DNAH2: variants seen among roughly 807,000 people sequenced by gnomAD.
DNAH2 encodes dynein axonemal heavy chain 2.
DNAH2 carries 323 observed loss-of-function variants against 523.5 expected under a neutral mutation model. The ratio of observed to expected loss-of-function variants is 0.62; its 90% CI spans 0.56 to 0.68. The LOEUF (loss-of-function observed/expected upper bound fraction) is 0.68. DNAH2 is among the 30% of genes least tolerant of loss of function. The pLI is 0.00. For missense variants in DNAH2, 4,907 were observed against 5,701.5 expected (o/e 0.86, Z 4.49); for synonymous variants, 2,093 against 2,177.4 (o/e 0.96, Z 1.08).
At chr17:7,810,118 C>G (rs552030574) in intron 63 of DNAH2, among the ~76,000 whole-genome samples, 16 of 148,268 alleles carry the variant, frequency 1.1e-4, no homozygotes, top group African/African-American at 3.7e-4. Context: ...GACTGGAATG[C>G]AGTGGCGCAA....
At position 7,807,449 on chromosome 17, in the gene DNAH2, A is replaced by T. The variant is rs373548058; in HGVS notation, c.9613-21A>T. The T allele has an allele frequency of 2.4e-5, 39 of 1,612,530 alleles. No individual in the cohort carries two copies. The African/African-American group carries it at 4.4e-4, about 18-fold the overall frequency. ...TGGTGGGTTGGTGGGCGACTCCCAC[A>T]GCCTGACTGTCTCCCCACAGCTGTA... On this transcript the variant is annotated intron_variant, in intron 62 of 85. Coordinates refer to ENST00000572933, the MANE Select transcript of DNAH2 (RefSeq NM_020877.5). This position sits in a 1 kb window ranked among gnomAD's most constrained non-coding sequence, Gnocchi z 5.6.
At chr17:7,809,249 A>G (rs895355035) in intron 63 of DNAH2, among the ~76,000 whole-genome samples, 21 of 152,134 alleles carry the variant, frequency 1.4e-4, no homozygotes, top group African/African-American at 5.1e-4. Context: ...GGCTAGGGAG[A>G]TCAAGGGCTC....
chr17:7,729,169 A>T (rs2074912716), intron 4 of DNAH2, among the ~76,000 whole-genome samples: 1 of 152,146 alleles, frequency 6.6e-6, no homozygotes, highest in Admixed American at 6.6e-5. Flanking sequence ...CACTTTAAAA[A>T]TGGGAGACCA....
At chr17:7,732,018 A>G (rs1451123374) in intron 4 of DNAH2, among the ~76,000 whole-genome samples, 1 of 133,152 alleles carries the variant, frequency 7.5e-6, no homozygotes, top group African/African-American at 2.9e-5. Flanking sequence ...AACAACAGCG[A>G]AACTTCGTCT....
chr17:7,807,836 T>C lies in DNAH2; in HGVS notation c.9729+250T>C, dbSNP rs549324819. On this transcript the variant is annotated intron_variant, in intron 63 of 85. Transcript: ENST00000572933. This position sits in a 1 kb window ranked among gnomAD's most constrained non-coding sequence, Gnocchi z 5.6. ...CCCAGGAGCCCTTCCAAAGATTGACTTGGGAGCTGGCAATCTCTGTCACAC... is the reference window on the plus strand; with the variant it reads ...CCCAGGAGCCCTTCCAAAGATTGACCTGGGAGCTGGCAATCTCTGTCACAC... Among the ~76,000 whole-genome samples the C allele has an allele frequency of 9.0e-4, 137 of 152,280 alleles. No homozygotes were observed. Among genetic ancestry groups the C allele is most frequent in the Admixed American group, 1.6e-3 (24 of 15,278 alleles).
intron 7 of DNAH2, 99 bp downstream of exon 7, chr17:7,734,807 C>T (rs1441411431): frequency 2.6e-5 from 33 of 1,285,296 alleles, no homozygotes; most frequent in East Asian, 2.1e-4. Context: ...AGGCAATCTT[C>T]GATAGCACAG....
Position 7,771,590 on chromosome 17 carries a change from A to G in DNAH2, c.4501+122A>G, listed in dbSNP as rs9890274. On this transcript the variant is annotated intron_variant, in intron 28 of 85. Coordinates refer to ENST00000572933, the MANE Select transcript of DNAH2 (RefSeq NM_020877.5). ...AGCTCTCCTAACATTTCCCATCTCC[A>G]TCACCTCTTCTAAGCATTAGATCAT... is the stretch of plus-strand genomic sequence containing the variant. The G allele has an allele frequency of 0.016, 17,047 of 1,076,816 alleles. 1,000 individuals carry two copies. The East Asian group carries it at 0.2, about 13-fold the overall frequency. The allele number at this position is 1,076,816 out of a possible 1,614,324, so 66.7% of individuals were successfully genotyped here. A position where few individuals can be genotyped will look rare whatever the true frequency, so the allele number is the denominator to read the frequency against.
At chr17:7,801,849 G>A (rs750901343) in intron 57 of DNAH2, 29 bp from the exon 58 acceptor site, 3 of 1,613,468 alleles carry the variant, frequency 1.9e-6, no homozygotes, top group Non-Finnish European at 2.5e-6. Context: ...GTTTCCATCT[G>A]CCTTTTCATC....
Position 7,798,254 on chromosome 17 carries a change from A to C in DNAH2, c.8328A>C (p.Ser2776=). 1 of 1,613,928 alleles carries C rather than the reference A, an allele frequency of 6.2e-7. No individual in the cohort carries two copies. Among genetic ancestry groups the C allele is most frequent in the Non-Finnish European group, 8.5e-7 (1 of 1,179,874 alleles). Residue 2776 remains serine (S), a synonymous_variant, in exon 54 of 86, where the codon TCA becomes TCC. Coordinates refer to ENST00000572933, the MANE Select transcript of DNAH2 (RefSeq NM_020877.5). The surrounding 1 kb of genome is among the most constrained non-coding windows in gnomAD (Gnocchi z 5.5). ...SGRQSLARLA[S]SICDYTTFQI... ...GCCAGAGTCTGGCCCGCCTGGCTTC[A>C]TCCATCTGCGACTACACCACCTTCC... is the stretch of plus-strand genomic sequence containing the variant.
chr17:7,740,379 G>A lies in DNAH2; in HGVS notation c.1377-41G>A, dbSNP rs1428717251. The A allele has an allele frequency of 5.0e-6, 8 of 1,610,128 alleles. No homozygotes were observed. The Admixed American group carries it at 5.0e-5, about 10-fold the overall frequency. On this transcript the variant is annotated intron_variant, in intron 9 of 85. Coordinates refer to ENST00000572933, the MANE Select transcript of DNAH2 (RefSeq NM_020877.5). ...CCTCAGGGGTTGGAGTTGGGGGCAG[G>A]CGAGGGCACTCAGCTGCCACATGCC...
intron 63 of DNAH2, among the ~76,000 whole-genome samples, chr17:7,816,097 G>A (rs1426756173): frequency 6.6e-6 from 1 of 152,188 alleles, no homozygotes; most frequent in East Asian, 1.9e-4. Flanking sequence ...ACCACGCCCA[G>A]CCAGCTCTTT....
Position 7,777,878 on chromosome 17 carries a change from T to C in DNAH2, c.5248-199T>C, listed in dbSNP as rs2076499148. Among the ~76,000 whole-genome samples, 3 of 152,176 alleles carry C rather than the reference T, an allele frequency of 2.0e-5. No homozygotes were observed. In the South Asian group the frequency reaches 6.2e-4, roughly 32 times the overall value. On this transcript the variant is annotated intron_variant, in intron 33 of 85. Coordinates refer to ENST00000572933, the MANE Select transcript of DNAH2 (RefSeq NM_020877.5). ...GAAACACTCCAGGCAGCTGCTGCAT[T>C]GGGTCGGGGTGGATGTGCAACATGA...
intron 5 of DNAH2, among the ~76,000 whole-genome samples, chr17:7,733,690 G>T (rs2075058903): frequency 6.6e-6 from 1 of 151,972 alleles, no homozygotes; most frequent in South Asian, 2.1e-4. Context: ...TGTTGGCCAG[G>T]CTGGTCTCGA....
intron 44 of DNAH2, among the ~76,000 whole-genome samples, chr17:7,788,697 G>C (rs1200796726): frequency 2.0e-5 from 3 of 152,188 alleles, no homozygotes; most frequent in Non-Finnish European, 4.4e-5. Context: ...ACTGTGCTCA[G>C]TTTAGAAGTA....
At chr17:7,812,800 G>A (rs766201881) in intron 63 of DNAH2, among the ~76,000 whole-genome samples, 37 of 146,738 alleles carry the variant, frequency 2.5e-4, no homozygotes, top group Non-Finnish European at 4.3e-4. Flanking sequence ...AAAAAAAGCT[G>A]GGCGTGGTGG....
In DNAH2 at chr17:7,743,144, T is replaced by C; in HGVS notation, c.1904+2T>C. 6.2e-7 allele frequency: 1 copy of C among 1,604,938 alleles called. No homozygotes were observed. Among genetic ancestry groups the C allele is most frequent in the Non-Finnish European group, 8.5e-7 (1 of 1,177,296 alleles). The stretch of plus-strand genomic sequence containing the variant: ...CATGCTGGATGTCAACTTTGACAAG[T>C]ACAGGAGCCACCTGGCCCCTTTTCC... On this transcript the variant is annotated splice_donor_variant, in intron 12 of 85. Coordinates refer to ENST00000572933, the MANE Select transcript of DNAH2 (RefSeq NM_020877.5). LOFTEE classifies it high-confidence loss of function.
Position 7,793,199 on chromosome 17 carries a change from C to A in DNAH2, c.7563C>A (p.Tyr2521Ter). Residue 2521 changes from tyrosine to a stop codon, truncating the protein, a stop_gained, in exon 48 of 86, where the codon TAC becomes TAA. Transcript: ENST00000572933. LOFTEE classifies it high-confidence loss of function. ...ACCGTACGAAGCAGACCATCAAGTA[C>A]ATTCGAGTAAGCCTCGCTAGAGTCT... ...WYDRTKQTIK[Y>*]IREMFLMAAM... 2.5e-6 allele frequency: 4 copies of A among 1,613,494 alleles called. No homozygotes were observed. The highest frequency in any genetic ancestry group is 3.4e-6 in the Non-Finnish European group (4 of 1,179,504).
Position 7,780,806 on chromosome 17 carries a change from G to A in DNAH2, c.6003+24G>A. 1 of 1,613,886 alleles carries A rather than the reference G, an allele frequency of 6.2e-7. No individual in the cohort carries two copies. Among genetic ancestry groups the A allele is most frequent in the Non-Finnish European group, 8.5e-7 (1 of 1,179,990 alleles). The stretch of plus-strand genomic sequence containing the variant: ...AGGTAGAGCAAGGACACAGCCTTTG[G>A]ACCTGACTTCCACTGTCACTGGACC... On this transcript the variant is annotated intron_variant, in intron 38 of 85. Coordinates refer to ENST00000572933, the MANE Select transcript of DNAH2 (RefSeq NM_020877.5). The surrounding 1 kb of genome is among the most constrained non-coding windows in gnomAD (Gnocchi z 4.4).
intron 48 of DNAH2, 121 bp downstream of exon 48, chr17:7,793,326 G>A (rs543570006): frequency 1.7e-5 from 17 of 1,026,556 alleles, no homozygotes; most frequent in Admixed American, 5.4e-5. Flanking sequence ...ACACAGGAGC[G>A]TCCTTCTCCA....
Sources: allele counts gnomAD v4.1 joint callset (sites outside exome capture counted in the v4.1 genomes callset), GRCh38; gene constraint gnomAD v4.1.1; non-coding constraint Gnocchi (gnomAD v3.1); transcripts MANE v1.5; gene names NCBI Gene and HGNC (gene_info 2026-07-23, HGNC 2026-07-21).